The following DTNBP1 variants were observed in gnomAD, a reference collection of about 807,000 sequenced individuals.
DTNBP1 encodes the protein dysbindin.
In DTNBP1, 35 loss-of-function variants were observed where a neutral mutation model predicts 42.8. That is an observed-to-expected ratio of 0.82 (90% CI 0.63 to 1.09). The LOEUF is 1.09. DTNBP1 is among the 50% of genes least tolerant of loss of function. DTNBP1 has a pLI of 0.00. For synonymous variants in DTNBP1, 171 were observed against 162.2 expected (o/e 1.05, Z -0.41); for missense variants, 457 against 424.2 (o/e 1.08, Z -0.68).
chr6:15,608,622 G>C (rs971975798), intron 6 of DTNBP1, among the ~76,000 whole-genome samples: 1 of 152,222 alleles, frequency 6.6e-6, no homozygotes, highest in Admixed American at 6.5e-5. Context: ...TTACTCCCTT[G>C]TGTGTGGAGC....
chr6:15,625,315 C>T (rs963450036), intron 5 of DTNBP1, among the ~76,000 whole-genome samples: 5 of 152,030 alleles, frequency 3.3e-5, no homozygotes, highest in Non-Finnish European at 5.9e-5. Flanking sequence ...AGCTCAATAT[C>T]GGTTAGACAT....
chr6:15,619,907 CTT>C (rs67536821), intron 5 of DTNBP1, among the ~76,000 whole-genome samples: 2 of 144,672 alleles, frequency 1.4e-5, no homozygotes, highest in African/African-American at 2.5e-5. Flanking sequence ...GGTCTTATTC[CTT>C]TTTTTTTTTT....
intron 3 of DTNBP1, among the ~76,000 whole-genome samples, chr6:15,645,659 C>T (rs1760636667): frequency 6.6e-6 from 1 of 151,890 alleles, no homozygotes; most frequent in Non-Finnish European, 1.5e-5. Flanking sequence ...ATGTGATTTA[C>T]CACATAAACA....
intron 7 of DTNBP1, among the ~76,000 whole-genome samples, chr6:15,541,451 A>C (rs1282741431): frequency 1.3e-5 from 2 of 152,248 alleles, no homozygotes; most frequent in Non-Finnish European, 2.9e-5. Flanking sequence ...GCTCACATTA[A>C]GATGCCATTT....
At chr6:15,629,918 T>C (rs1759586454) in intron 4 of DTNBP1, among the ~76,000 whole-genome samples, 1 of 152,122 alleles carries the variant, frequency 6.6e-6, no homozygotes, top group African/African-American at 2.4e-5. Flanking sequence ...AAAGAAACGG[T>C]TCTGAAAAAC....
chr6:15,527,336 A>T (rs1382709229), intron 8 of DTNBP1, among the ~76,000 whole-genome samples: 1 of 152,252 alleles, frequency 6.6e-6, no homozygotes, highest in Admixed American at 6.5e-5. Flanking sequence ...AGTAAGAGAA[A>T]TCGAAATCCC....
intron 7 of DTNBP1, among the ~76,000 whole-genome samples, chr6:15,559,736 CCAACT>C (rs1774735592): frequency 6.6e-6 from 1 of 152,132 alleles, no homozygotes; most frequent in Non-Finnish European, 1.5e-5. Flanking sequence ...ATGACAACGC[CCAACT>C]ACACATCACA....
intron 5 of DTNBP1, among the ~76,000 whole-genome samples, chr6:15,624,399 T>G (rs1285855259): frequency 6.6e-6 from 1 of 152,236 alleles, no homozygotes; most frequent in Admixed American, 6.5e-5. Flanking sequence ...TAAGCTGGAC[T>G]GAAGCCAATA....
chr6:15,568,464 G>A (rs1332169975), intron 7 of DTNBP1, among the ~76,000 whole-genome samples: 1 of 151,976 alleles, frequency 6.6e-6, no homozygotes, highest in East Asian at 1.9e-4. Flanking sequence ...TAGAAGTCTC[G>A]GACACAAACT....
rs188361541 is a variant in DTNBP1 at position 15,615,659 on chromosome 6, G to A, written c.356-260C>T. ...TTATTAACCAGGAAGACAAAGAAATGGAGAAACATTATCTTGATTAACGTA... is the reference window on the plus strand; with the variant it reads ...TTATTAACCAGGAAGACAAAGAAATAGAGAAACATTATCTTGATTAACGTA... On this transcript the variant is annotated intron_variant, in intron 5 of 9. Transcript: ENST00000344537. 1.8e-3 allele frequency among the ~76,000 whole-genome samples: 268 copies of A among 152,252 alleles called. 3 individuals carry two copies. In the Middle Eastern group the frequency reaches 0.027, roughly 15 times the overall value.
chr6:15,569,673 A>G (rs911739019), intron 7 of DTNBP1, among the ~76,000 whole-genome samples: 1 of 152,150 alleles, frequency 6.6e-6, no homozygotes, highest in Admixed American at 6.6e-5. Context: ...CAGTCTCGCC[A>G]CATTCCAGCC....
intron 6 of DTNBP1, among the ~76,000 whole-genome samples, chr6:15,601,902 A>C (rs376417057): frequency 4.6e-5 from 7 of 151,898 alleles, no homozygotes; most frequent in East Asian, 3.9e-4. Flanking sequence ...ACATAACATG[A>C]AACTTCCAGA....
intron 4 of DTNBP1, among the ~76,000 whole-genome samples, chr6:15,628,936 G>T (rs1254797243): frequency 6.6e-6 from 1 of 152,140 alleles, no homozygotes; most frequent in Admixed American, 6.5e-5. Context: ...GCCCACGCTG[G>T]AGGGATAAAC....
At chr6:15,614,051 C>T (rs562816081) in intron 6 of DTNBP1, among the ~76,000 whole-genome samples, 1 of 152,276 alleles carries the variant, frequency 6.6e-6, no homozygotes, top group Non-Finnish European at 1.5e-5. Context: ...TTTAAATACT[C>T]TCCCCAGGTG....
At chr6:15,550,390 A>T (rs1263158258) in intron 7 of DTNBP1, among the ~76,000 whole-genome samples, 1 of 152,200 alleles carries the variant, frequency 6.6e-6, no homozygotes, top group Non-Finnish European at 1.5e-5. Flanking sequence ...CATAGCTTTG[A>T]ATTTTGTTTC....
intron 7 of DTNBP1, among the ~76,000 whole-genome samples, chr6:15,544,057 C>T (rs912821624): frequency 6.6e-6 from 1 of 152,156 alleles, no homozygotes; most frequent in Non-Finnish European, 1.5e-5. Flanking sequence ...CTTGGTGACA[C>T]CAAGCATTTA....
At chr6:15,572,558 A>G (rs964388528) in intron 7 of DTNBP1, among the ~76,000 whole-genome samples, 1 of 152,196 alleles carries the variant, frequency 6.6e-6, no homozygotes, top group Non-Finnish European at 1.5e-5. Flanking sequence ...CTACGTAAAT[A>G]CCAGGCACAG....
At chr6:15,523,912 G>C (rs1189426769) in intron 9 of DTNBP1, 1 of 1,287,322 alleles carries the variant, frequency 7.8e-7, no homozygotes, top group South Asian at 1.2e-5. Flanking sequence ...CTGAGGTGCT[G>C]CTGGGACGAC....
At chr6:15,574,939 C>T (rs1775500069) in intron 7 of DTNBP1, among the ~76,000 whole-genome samples, 1 of 152,164 alleles carries the variant, frequency 6.6e-6, no homozygotes, top group Non-Finnish European at 1.5e-5. Context: ...TTTTTCTGAA[C>T]AGACAGTTGA....
Sources: gnomAD v4.1 joint callset for allele counts (sites outside exome capture counted in the v4.1 genomes callset) on GRCh38, gnomAD v4.1.1 for gene constraint, MANE v1.5 for transcripts, NCBI Gene and HGNC (gene_info 2026-07-23, HGNC 2026-07-21) for gene names.